KCNMA1: variants seen among roughly 807,000 people sequenced by gnomAD.
The protein encoded by KCNMA1 is Calcium-activated potassium channel subunit alpha-1.
KCNMA1 carries 29 observed loss-of-function variants against 140.0 expected under a neutral mutation model. The observed-to-expected ratio is 0.21, with a 90% confidence interval of 0.15 to 0.28. The LOEUF is 0.28. KCNMA1 is among the 10% of genes least tolerant of loss of function. The pLI, the probability that KCNMA1 is intolerant of heterozygous loss-of-function variation, is 1.00. For missense variants in KCNMA1, 880 were observed against 1,602.2 expected (o/e 0.55, Z 7.70); for synonymous variants, 612 against 611.9 (o/e 1.00, Z 0.00).
intron 5 of KCNMA1, among the ~76,000 whole-genome samples, chr10:77,175,686 G>A (rs185730354): frequency 9.2e-5 from 14 of 152,310 alleles, no homozygotes; most frequent in Admixed American, 5.9e-4. Flanking sequence ...CACAGGAGCT[G>A]GAGTCAGAGC....
intron 5 of KCNMA1, among the ~76,000 whole-genome samples, chr10:77,153,970 G>T (rs922081153): frequency 6.6e-6 from 1 of 152,120 alleles, no homozygotes; most frequent in African/African-American, 2.4e-5. Context: ...ATATAGTTAG[G>T]CTCTGTGTCC....
intron 1 of KCNMA1, among the ~76,000 whole-genome samples, chr10:77,503,547 T>C (rs2044683339): frequency 6.6e-6 from 1 of 152,260 alleles, no homozygotes; most frequent in Admixed American, 6.5e-5. Context: ...TTATTTCAAA[T>C]TGAAGAGGCC....
intron 2 of KCNMA1, among the ~76,000 whole-genome samples, chr10:77,383,190 C>T (rs1311986918): frequency 2.6e-5 from 4 of 151,756 alleles, no homozygotes; most frequent in Non-Finnish European, 4.4e-5. Flanking sequence ...TTCAGGGGTG[C>T]AGGTACCTCA....
chr10:77,460,996 C>T (rs182590182), intron 1 of KCNMA1, among the ~76,000 whole-genome samples: 1 of 152,220 alleles, frequency 6.6e-6, no homozygotes, highest in East Asian at 1.9e-4. Context: ...ATCCCAGCTC[C>T]TTGGGAGGCT....
chr10:76,976,287 G>A (rs2077489318), intron 19 of KCNMA1, among the ~76,000 whole-genome samples: 1 of 152,166 alleles, frequency 6.6e-6, no homozygotes. Context: ...AAAATGGGGA[G>A]GGAGACTTTA....
chr10:77,390,461 T>G (rs2095779137), intron 2 of KCNMA1, among the ~76,000 whole-genome samples: 1 of 152,192 alleles, frequency 6.6e-6, no homozygotes, highest in African/African-American at 2.4e-5. Context: ...AGAAACCAAG[T>G]TGCCCACCTC....
At chr10:77,345,974 C>G (rs1177541255) in intron 2 of KCNMA1, among the ~76,000 whole-genome samples, 1 of 152,228 alleles carries the variant, frequency 6.6e-6, no homozygotes, top group East Asian at 1.9e-4. Flanking sequence ...AAGTCTCAGA[C>G]ACATTCATAT....
intron 5 of KCNMA1, 91 bp from the exon 6 acceptor site, chr10:77,121,139 C>G (rs899893136): frequency 3.6e-6 from 3 of 834,226 alleles, no homozygotes; most frequent in Non-Finnish European, 6.0e-6. Context: ...TCCCAAGGGT[C>G]GAAGGGATGG....
chr10:77,445,778 G>A (rs993615252), intron 1 of KCNMA1, among the ~76,000 whole-genome samples: 8 of 152,142 alleles, frequency 5.3e-5, no homozygotes, highest in African/African-American at 1.2e-4. Flanking sequence ...CACAGTCATC[G>A]GTCAAGCTGA....
intron 16 of KCNMA1, chr10:77,022,833 G>A (rs756307131): frequency 6.2e-6 from 2 of 324,434 alleles, no homozygotes; most frequent in East Asian, 1.2e-4. Flanking sequence ...TTAAAGGAGT[G>A]ACCACACCTC....
intron 14 of KCNMA1, among the ~76,000 whole-genome samples, chr10:77,057,939 T>C (rs2095600550): frequency 6.6e-6 from 1 of 151,864 alleles, no homozygotes; most frequent in Non-Finnish European, 1.5e-5. Flanking sequence ...AGATAAATTG[T>C]CTAATGCAAC....
chr10:76,974,129 T>C (rs548814096), intron 19 of KCNMA1: 12 of 181,138 alleles, frequency 6.6e-5, no homozygotes, highest in Non-Finnish European at 1.3e-4. Flanking sequence ...AATCACCACA[T>C]CTGGAGAAAC....
chr10:77,156,911 G>C (rs1299834384), intron 5 of KCNMA1, among the ~76,000 whole-genome samples: 2 of 152,056 alleles, frequency 1.3e-5, no homozygotes, highest in African/African-American at 4.8e-5. Flanking sequence ...AACATTCCCT[G>C]TTCCCTAGCC....
chr10:77,595,143 C>T (rs565487655), intron 1 of KCNMA1, among the ~76,000 whole-genome samples: 1 of 152,080 alleles, frequency 6.6e-6, no homozygotes, highest in Non-Finnish European at 1.5e-5. Context: ...GTGAGGAGTT[C>T]GAGACTAGCC....
intron 2 of KCNMA1, among the ~76,000 whole-genome samples, chr10:77,290,907 TC>T (rs2072996210): frequency 6.6e-6 from 1 of 152,184 alleles, no homozygotes; most frequent in Non-Finnish European, 1.5e-5. Flanking sequence ...CATCAGTGTC[TC>T]ATGAGGCTGG....
At chr10:77,171,420 T>C (rs1414788435) in intron 5 of KCNMA1, among the ~76,000 whole-genome samples, 7 of 142,564 alleles carry the variant, frequency 4.9e-5, no homozygotes, top group Non-Finnish European at 1.0e-4. Context: ...TGTGTGTGTG[T>C]GTGTGTGTGT....
intron 1 of KCNMA1, among the ~76,000 whole-genome samples, chr10:77,451,564 C>T (rs1327420650): frequency 1.3e-5 from 2 of 152,308 alleles, no homozygotes; most frequent in Middle Eastern, 3.4e-3. Flanking sequence ...GACGAAAGCT[C>T]GCTTCCAGCC....
intron 1 of KCNMA1, among the ~76,000 whole-genome samples, chr10:77,455,100 C>CT (rs2097735722): frequency 6.6e-6 from 1 of 152,192 alleles, no homozygotes; most frequent in Non-Finnish European, 1.5e-5. Context: ...GCTTTGATCT[C>CT]TTTCAGTTAT....
intron 1 of KCNMA1, among the ~76,000 whole-genome samples, chr10:77,598,247 AG>A (rs2081510375): frequency 6.6e-6 from 1 of 152,204 alleles, no homozygotes; most frequent in Admixed American, 6.5e-5. Context: ...CTGGGATTAC[AG>A]GCATGAGCCA....
Sources: gnomAD v4.1 joint callset for allele counts (sites outside exome capture counted in the v4.1 genomes callset) on GRCh38, gnomAD v4.1.1 for gene constraint, MANE v1.5 for transcripts, NCBI Gene and HGNC (gene_info 2026-07-23, HGNC 2026-07-21) for gene names.